Variants in ANKRD26 observed in about 807,000 individuals in gnomAD.
ANKRD26 encodes ankyrin repeat domain 26.
In ANKRD26, 141 loss-of-function variants were observed where a neutral mutation model predicts 208.7. The observed-to-expected ratio is 0.68, with a 90% CI of 0.59 to 0.78. The LOEUF is 0.78. ANKRD26 is among the 30% of genes least tolerant of loss of function. The probability of loss-of-function intolerance (pLI) is 0.00; values close to 1 mark genes in which losing one functional copy is unlikely to be tolerated. For missense variants in ANKRD26, 1,889 were observed against 1,938.7 expected (o/e 0.97, Z 0.48); for synonymous variants, 636 against 660.4 (o/e 0.96, Z 0.57).
At chr10:26,963,348 GCCACA>G in the ANKRD26 span, among the ~76,000 whole-genome samples, 3 of 152,166 alleles carry the variant, frequency 2.0e-5, no homozygotes, top group Non-Finnish European at 4.4e-5. Context: ...CCTTGAATTT[GCCACA>G]CTGTACTAGA....
intron 25 of ANKRD26, among the ~76,000 whole-genome samples, chr10:27,032,231 G>A (rs1204592233): frequency 6.6e-6 from 1 of 152,336 alleles, no homozygotes; most frequent in East Asian, 1.9e-4. Flanking sequence ...GGGTGCGGTG[G>A]CTCACATCTG....
chr10:27,030,654 G>C (rs2053835799), intron 25 of ANKRD26: 1 of 932,624 alleles, frequency 1.1e-6, no homozygotes, highest in South Asian at 5.0e-5. Flanking sequence ...AAAAACATGA[G>C]CATTTGATTG....
intron 3 of ANKRD26, among the ~76,000 whole-genome samples, 182 bp downstream of exon 3, chr10:27,093,167 G>A (rs2056355284): frequency 1.3e-5 from 2 of 152,084 alleles, no homozygotes; most frequent in African/African-American, 4.8e-5. Context: ...AAGGTGTACT[G>A]CCTAATGCTT....
intron 20 of ANKRD26, 69 bp from the exon 21 acceptor site, chr10:27,040,247 C>T (rs1589262038): frequency 8.9e-7 from 1 of 1,121,592 alleles, no homozygotes; most frequent in South Asian, 1.3e-5. Flanking sequence ...TGCACTATAA[C>T]ATTCACTCAT....
chr10:27,061,874 T>G, intron 12 of ANKRD26: 1 of 936,572 alleles, frequency 1.1e-6, no homozygotes, highest in Non-Finnish European at 1.3e-6. Flanking sequence ...AAGCAACATA[T>G]ATCTTTGATG....
chr10:27,080,113 T>C (rs1389007302), intron 6 of ANKRD26: 2 of 348,966 alleles, frequency 5.7e-6, no homozygotes, highest in Non-Finnish European at 1.2e-5. Flanking sequence ...GCTGAGATCA[T>C]GCTGTAGCAC....
intron 15 of ANKRD26, among the ~76,000 whole-genome samples, chr10:27,057,678 C>T (rs1320583769): frequency 1.3e-5 from 2 of 152,194 alleles, no homozygotes; most frequent in African/African-American, 4.8e-5. Flanking sequence ...GTGGCTCACA[C>T]CTGTAATCCC....
Position 26,975,402 on chromosome 10 carries a change from CT to C in ANKRD26, c.*921del, listed in dbSNP as rs60226106. On this transcript the variant is annotated 3_prime_UTR_variant and NMD_transcript_variant, in exon 6 of 6. Transcript: ENST00000674670. ...AGCCACCTCGCCCAGCTAATTTTTG[CT>C]TTTTTTTTTTTTTTTTTGGTGTAGT... Among the ~76,000 whole-genome samples the C allele has an allele frequency of 9.6e-4, 87 of 90,486 alleles. 1 individual carries two copies. Among genetic ancestry groups the C allele is most frequent in the South Asian group, 1.9e-3 (5 of 2,600 alleles). 59.4% of individuals were successfully genotyped at this position (90,486 alleles called of 152,430 possible).
intron 15 of ANKRD26, among the ~76,000 whole-genome samples, chr10:27,054,666 A>C (rs868320021): frequency 6.6e-6 from 1 of 152,194 alleles, no homozygotes; most frequent in South Asian, 2.1e-4. Context: ...AGCCAGACTA[A>C]AAGGGGTAAA....
chr10:27,098,209 C>T (rs1281365108), intron 1 of ANKRD26, among the ~76,000 whole-genome samples: 1 of 151,472 alleles, frequency 6.6e-6, no homozygotes, highest in African/African-American at 2.4e-5. Flanking sequence ...CAGGGTCTTG[C>T]TATGTTGCCC....
At chr10:26,951,410 T>C in the ANKRD26 span, among the ~76,000 whole-genome samples, 2 of 152,166 alleles carry the variant, frequency 1.3e-5, no homozygotes, top group Admixed American at 1.3e-4. Context: ...TTTCCTGATG[T>C]TTTCTTTTAT....
chr10:26,947,726 C>CT, the ANKRD26 span, among the ~76,000 whole-genome samples: 17 of 152,114 alleles, frequency 1.1e-4, no homozygotes, highest in South Asian at 1.0e-3. Flanking sequence ...CATTGACCTT[C>CT]TTTTTTTTGC....
rs1022139389 is a variant in ANKRD26, at chr10:27,077,220, A to G, written c.1077+118T>C. 21 of 887,694 alleles carry G rather than the reference A, an allele frequency of 2.4e-5. No homozygotes were observed. In the African/African-American group the frequency reaches 3.0e-4, roughly 13 times the overall value. 55.0% of individuals were successfully genotyped at this position (887,694 alleles called of 1,614,324 possible). A position where few individuals can be genotyped will look rare whatever the true frequency, so the allele number is the denominator to read the frequency against. On this transcript the variant is annotated intron_variant, in intron 9 of 33. Coordinates refer to ENST00000376087, the MANE Select transcript of ANKRD26 (RefSeq NM_014915.3). Reference sequence around the variant, plus strand: ...CATATGCAAGTCTTAAATGTGATTCATCACATAAACATAATTAGAAACAAA... The same window carrying G: ...CATATGCAAGTCTTAAATGTGATTCGTCACATAAACATAATTAGAAACAAA...
rs769060564 is a variant in ANKRD26, at chr10:27,005,690, G to C, written c.5033C>G (p.Ser1678Cys). The C allele has an allele frequency of 6.2e-7, 1 of 1,611,270 alleles. No homozygotes were observed. Among genetic ancestry groups the C allele is most frequent in the Non-Finnish European group, 8.5e-7 (1 of 1,178,522 alleles). ...TGACTCATCAGTAGACCCTAGAGGG[G>C]AAGCTATTGATCCAGATTCCAATTC... ...AAELESGSIA[S>C]PLGSTDESNL... Residue 1678 changes from serine to cysteine, a missense_variant, in exon 34 of 34, where the codon TCC becomes TGC. By Grantham distance (112) the Ser-to-Cys change is moderately radical. Coordinates refer to ENST00000376087, the MANE Select transcript of ANKRD26 (RefSeq NM_014915.3).
chr10:27,005,467 T>C lies in ANKRD26; in HGVS notation c.*123A>G. On this transcript the variant is annotated 3_prime_UTR_variant, in exon 34 of 34. Transcript: ENST00000376087. ...AAGTAACATTGTTTAAAATACTATA[T>C]AAATTTTGATCTGACATATATGATA... 1 of 1,467,936 alleles carries C rather than the reference T, an allele frequency of 6.8e-7. No homozygotes were observed. Among genetic ancestry groups the C allele is most frequent in the Non-Finnish European group, 9.0e-7 (1 of 1,114,990 alleles). The allele number at this position is 1,467,936 out of a possible 1,614,324, so 90.9% of individuals were successfully genotyped here.
downstream of ANKRD26, among the ~76,000 whole-genome samples, chr10:27,003,552 T>C (rs558934327): frequency 2.6e-5 from 4 of 152,320 alleles, no homozygotes; most frequent in South Asian, 8.3e-4. Context: ...ACAAAGTATA[T>C]AGTAGCTTAA....
intron 25 of ANKRD26, 139 bp downstream of exon 25, chr10:27,033,086 A>G (rs1329039817): frequency 1.9e-6 from 1 of 524,092 alleles, no homozygotes; most frequent in Non-Finnish European, 2.7e-6. Context: ...CCATCTCAAA[A>G]AAAAAAAAAA....
At chr10:26,984,110 G>A (rs776529609) in intron 3 of ANKRD26, among the ~76,000 whole-genome samples, 2 of 152,174 alleles carry the variant, frequency 1.3e-5, no homozygotes, top group African/African-American at 2.4e-5. Context: ...TAGCTGCAGC[G>A]TTTTGAGATT....
chr10:27,030,264 G>A (rs945667105), intron 25 of ANKRD26: 1 of 519,084 alleles, frequency 1.9e-6, no homozygotes, highest in African/African-American at 2.1e-5. Context: ...GTACTTCACA[G>A]AACTTTTGCC....
Sources: allele counts gnomAD v4.1 joint callset (sites outside exome capture counted in the v4.1 genomes callset), GRCh38; gene constraint gnomAD v4.1.1; transcripts MANE v1.5; gene names NCBI Gene and HGNC (gene_info 2026-07-23, HGNC 2026-07-21).